MAP3K9: variants seen among roughly 807,000 people sequenced by gnomAD.
MAP3K9 encodes the protein mixed lineage kinase 1 (tyr and ser/thr specificity).
A neutral mutation model predicts 95.8 loss-of-function variants in MAP3K9; 46 were observed. The ratio of observed to expected loss-of-function variants is 0.48; its 90% CI spans 0.38 to 0.61. The LOEUF (loss-of-function observed/expected upper bound fraction) is 0.61, where lower values mean the gene tolerates loss of function less well. Ranked by LOEUF, MAP3K9 falls within the 20% of genes least tolerant of loss-of-function variation. MAP3K9 has a pLI of 0.00. For synonymous variants in MAP3K9, 533 were observed against 593.8 expected (o/e 0.90, Z 1.49); for missense variants, 1,296 against 1,474.3 (o/e 0.88, Z 1.98).
intron 2 of MAP3K9, 77 bp from the exon 3 acceptor site, chr14:70,761,259 C>T: frequency 8.0e-7 from 1 of 1,256,136 alleles, no homozygotes; most frequent in East Asian, 2.5e-5. Flanking sequence ...AACTCTTCTG[C>T]CATCCTCCTG....
At chr14:70,799,079 T>C (rs146771709) in intron 2 of MAP3K9, among the ~76,000 whole-genome samples, 1 of 152,364 alleles carries the variant, frequency 6.6e-6, no homozygotes, top group East Asian at 1.9e-4. Flanking sequence ...CCAAATGTAA[T>C]AGTTGTTCTC....
chr14:70,798,726 C>T (rs1339629078), intron 2 of MAP3K9, among the ~76,000 whole-genome samples: 1 of 151,876 alleles, frequency 6.6e-6, no homozygotes, highest in South Asian at 2.1e-4. Flanking sequence ...GATCCGCCCG[C>T]CTCGGCCTCC....
Position 70,757,560 on chromosome 14 carries a change from C to T in MAP3K9, c.1001+3442G>A, listed in dbSNP as rs1013886163. Among the ~76,000 whole-genome samples, 3 of 151,544 alleles carry T rather than the reference C, an allele frequency of 2.0e-5. No individual in the cohort carries two copies. The East Asian group carries it at 5.8e-4, about 29-fold the overall frequency. On this transcript the variant is annotated intron_variant, in intron 3 of 11. Coordinates refer to ENST00000554752, the MANE Select transcript of MAP3K9 (RefSeq NM_001284230.2). ...TATTTTGTATAAATTAACAAAATTA[C>T]CCTAAGATTCATTAAATGCAAAGGA...
chr14:70,750,625 C>T (rs903986901), intron 3 of MAP3K9, among the ~76,000 whole-genome samples: 2 of 152,092 alleles, frequency 1.3e-5, no homozygotes, highest in Non-Finnish European at 2.9e-5. Context: ...GCTGGGATTA[C>T]AGGCATGCAC....
chr14:70,752,159 G>A (rs2054237599), intron 3 of MAP3K9, among the ~76,000 whole-genome samples: 1 of 152,200 alleles, frequency 6.6e-6, no homozygotes, highest in Admixed American at 6.5e-5. Context: ...GACAGGAGAT[G>A]GATTTTAGTT....
At chr14:70,799,194 G>A (rs2054901012) in intron 2 of MAP3K9, among the ~76,000 whole-genome samples, 1 of 151,754 alleles carries the variant, frequency 6.6e-6, no homozygotes, top group Non-Finnish European at 1.5e-5. Flanking sequence ...TAAGAGATGG[G>A]GTCTCGCTAT....
At chr14:70,801,130 T>C (rs1165216013) in intron 1 of MAP3K9, 50 bp from the exon 2 acceptor site, 1 of 1,551,878 alleles carries the variant, frequency 6.4e-7, no homozygotes, top group Admixed American at 1.8e-5. Context: ...CTTGAAAACA[T>C]CGTATTTAAC....
chr14:70,786,708 G>T (rs1028993244), intron 2 of MAP3K9, among the ~76,000 whole-genome samples: 1 of 152,186 alleles, frequency 6.6e-6, no homozygotes, highest in South Asian at 2.1e-4. Flanking sequence ...ACTATCATGA[G>T]CATCAGGATG....
chr14:70,788,739 G>T (rs539589333), intron 2 of MAP3K9, among the ~76,000 whole-genome samples: 22 of 152,284 alleles, frequency 1.4e-4, no homozygotes, highest in African/African-American at 5.1e-4. Flanking sequence ...CATTTCTTAA[G>T]GACCTACTAA....
At chr14:70,765,310 A>AG in intron 2 of MAP3K9, 1 of 395,670 alleles carries the variant, frequency 2.5e-6, no homozygotes, top group Non-Finnish European at 4.5e-6. Context: ...AGCCTGGGTG[A>AG]CAGAGTGAGA....
At chr14:70,734,081 T>C (rs898293249) in intron 10 of MAP3K9, among the ~76,000 whole-genome samples, 1 of 152,216 alleles carries the variant, frequency 6.6e-6, no homozygotes, top group African/African-American at 2.4e-5. Context: ...CTTTTCTCAT[T>C]CTCCAGCTTG....
Position 70,807,589 on chromosome 14 carries a change from A to G in MAP3K9, c.406+1177T>C, listed in dbSNP as rs553177747. Among the ~76,000 whole-genome samples, 3 of 152,370 alleles carry G rather than the reference A, an allele frequency of 2.0e-5. No individual in the cohort carries two copies. The East Asian group carries it at 5.8e-4, about 29-fold the overall frequency. ...GTTACAAAGGAAATCTTAATATTTAAATATTTAAAGTTGGTCCTTGCTAAT... is the reference window on the plus strand; with the variant it reads ...GTTACAAAGGAAATCTTAATATTTAGATATTTAAAGTTGGTCCTTGCTAAT... On this transcript the variant is annotated intron_variant, in intron 1 of 11. Coordinates refer to ENST00000554752, the MANE Select transcript of MAP3K9 (RefSeq NM_001284230.2).
intron 2 of MAP3K9, chr14:70,783,281 G>A (rs2054705558): frequency 4.3e-6 from 4 of 938,208 alleles, no homozygotes; most frequent in Non-Finnish European, 5.1e-6. Context: ...AAGGAAGACG[G>A]CATCCTAAAG....
intron 3 of MAP3K9, among the ~76,000 whole-genome samples, chr14:70,756,890 C>T (rs983176297): frequency 6.6e-6 from 1 of 152,144 alleles, no homozygotes; most frequent in African/African-American, 2.4e-5. Context: ...GTATTAATCT[C>T]ATTAGCATAT....
chr14:70,763,661 G>T (rs1227761626), intron 2 of MAP3K9, among the ~76,000 whole-genome samples: 1 of 151,854 alleles, frequency 6.6e-6, no homozygotes, highest in Non-Finnish European at 1.5e-5. Context: ...CTCCTGAGTA[G>T]CTGTGACTAT....
Position 70,809,210 on chromosome 14 carries a change from CG to C in MAP3K9, c.-40del. The stretch of plus-strand genomic sequence containing the variant: ...CATAGGGTGCGGGGCCGCCGCCGCC[CG>C]CAGGAGCCGCCGCCGCCTATTGTTC... On this transcript the variant is annotated 5_prime_UTR_variant, in exon 1 of 12. Transcript: ENST00000554752. 1.6e-6 allele frequency: 2 copies of C among 1,280,398 alleles called. No homozygotes were observed. The highest frequency in any genetic ancestry group is 2.0e-6 in the Non-Finnish European group (2 of 1,019,246). The allele number at this position is 1,280,398 out of a possible 1,614,324, so 79.3% of individuals were successfully genotyped here. A position where few individuals can be genotyped will look rare whatever the true frequency, so the allele number is the denominator to read the frequency against.
intron 2 of MAP3K9, among the ~76,000 whole-genome samples, chr14:70,796,916 A>T (rs2054870872): frequency 1.3e-5 from 2 of 152,070 alleles, no homozygotes; most frequent in South Asian, 4.1e-4. Context: ...GACCTTGTTT[A>T]GCCGCTGTTA....
At position 70,730,446 on chromosome 14, in the gene MAP3K9, CA is replaced by C; in HGVS notation, c.3248del (p.Leu1083ArgfsTer6). ...EGQSQDSTVP[L>X]CRAELNTHRP... Reference sequence around the variant, plus strand: ...TGTGTGTGTTCAGTTCCGCTCTGCACAGCGGCACGGTGCTGTCCTGACTCTG... The same window carrying C: ...TGTGTGTGTTCAGTTCCGCTCTGCACGCGGCACGGTGCTGTCCTGACTCTG... On this transcript the variant is annotated frameshift_variant, in exon 12 of 12. Coordinates refer to ENST00000554752, the MANE Select transcript of MAP3K9 (RefSeq NM_001284230.2). LOFTEE classifies it high-confidence loss of function. 2 of 1,614,258 alleles carry C rather than the reference CA, an allele frequency of 1.2e-6. No individual in the cohort carries two copies. The highest frequency in any genetic ancestry group is 1.7e-6 in the Non-Finnish European group (2 of 1,180,054).
intron 2 of MAP3K9, among the ~76,000 whole-genome samples, chr14:70,769,925 T>C (rs1242486651): frequency 6.6e-6 from 1 of 151,536 alleles, no homozygotes; most frequent in Non-Finnish European, 1.5e-5. Context: ...GTGTGGAGGG[T>C]TGTGGGGGAC....
Sources: gnomAD v4.1 joint callset for allele counts (sites outside exome capture counted in the v4.1 genomes callset) on GRCh38, gnomAD v4.1.1 for gene constraint, MANE v1.5 for transcripts, NCBI Gene and HGNC (gene_info 2026-07-23, HGNC 2026-07-21) for gene names.